WWC2: variants seen among roughly 807,000 people sequenced by gnomAD.
The protein encoded by WWC2 is protein WWC2.
A neutral mutation model predicts 138.5 loss-of-function variants in WWC2; 101 were observed. The ratio of observed to expected loss-of-function variants is 0.73; its 90% confidence interval spans 0.62 to 0.86. The LOEUF is 0.86. Ranked by LOEUF, WWC2 falls within the 40% of genes least tolerant of loss-of-function variation. The probability of loss-of-function intolerance (pLI) is 0.00; values close to 1 mark genes in which losing one functional copy is unlikely to be tolerated. For missense variants in WWC2, 1,420 were observed against 1,419.4 expected (o/e 1.00, Z -0.01); for synonymous variants, 558 against 538.4 (o/e 1.04, Z -0.50).
chr4:183,210,113 T>C (rs182069994), intron 4 of WWC2, among the ~76,000 whole-genome samples: 139 of 152,344 alleles, frequency 9.1e-4, no homozygotes, highest in Admixed American at 1.7e-3. Context: ...TCTCGTAATA[T>C]TGATGTACAT....
rs1293570640 is a variant in WWC2 at position 183,099,399 on chromosome 4, C to G, written c.-93C>G. 1.7e-6 allele frequency: 2 copies of G among 1,156,154 alleles called. No individual in the cohort carries two copies. The highest frequency in any genetic ancestry group is 2.1e-6 in the Non-Finnish European group (2 of 934,662). 71.6% of individuals were successfully genotyped at this position (1,156,154 alleles called of 1,614,324 possible). A position where few individuals can be genotyped will look rare whatever the true frequency, so the allele number is the denominator to read the frequency against. ...CTCAGCCCCTCGCCGGCGCCCGCGT[C>G]GCGGGTTGGCAGCCTAGCCCGGCAG... On this transcript the variant is annotated 5_prime_UTR_variant, in exon 1 of 23. Transcript: ENST00000403733.
intron 2 of WWC2, among the ~76,000 whole-genome samples, chr4:183,207,216 G>T (rs1735471488): frequency 6.6e-6 from 1 of 151,906 alleles, no homozygotes. Flanking sequence ...AAGGGTCTCT[G>T]GTTGATTGTA....
intron 19 of WWC2, 76 bp from the exon 20 acceptor site, chr4:183,285,891 A>C (rs1443010930): frequency 9.7e-6 from 13 of 1,345,754 alleles, no homozygotes; most frequent in African/African-American, 1.5e-5. Context: ...TTACTTGGTA[A>C]ATGTCTCAAT....
intron 12 of WWC2, 87 bp from the exon 13 acceptor site, chr4:183,265,601 C>T: frequency 1.5e-6 from 2 of 1,360,982 alleles, no homozygotes; most frequent in Non-Finnish European, 2.0e-6. Context: ...TTTGGATTTT[C>T]ATTCAGAATC....
intron 1 of WWC2, among the ~76,000 whole-genome samples, chr4:183,131,101 G>T (rs556145724): frequency 3.3e-5 from 5 of 152,210 alleles, no homozygotes; most frequent in African/African-American, 1.2e-4. Flanking sequence ...TTTCAAAAAA[G>T]CTCAAATGCT....
At chr4:183,137,738 G>T (rs1213787299) in intron 1 of WWC2, among the ~76,000 whole-genome samples, 1 of 152,136 alleles carries the variant, frequency 6.6e-6, no homozygotes, top group East Asian at 1.9e-4. Context: ...GACTCAAGCA[G>T]TCTGCCTGCC....
intron 1 of WWC2, among the ~76,000 whole-genome samples, chr4:183,192,024 C>T (rs1475804788): frequency 6.6e-6 from 1 of 152,198 alleles, no homozygotes; most frequent in Non-Finnish European, 1.5e-5. Flanking sequence ...GGTGCCCAAC[C>T]AGAATTTGTA....
chr4:183,219,818 C>T (rs549442771), intron 4 of WWC2, among the ~76,000 whole-genome samples: 5 of 152,240 alleles, frequency 3.3e-5, no homozygotes, highest in African/African-American at 9.6e-5. Context: ...CCAAGGTTTT[C>T]CCCTCCCCCA....
At chr4:183,104,402 C>A (rs1743287074) in intron 1 of WWC2, among the ~76,000 whole-genome samples, 1 of 152,116 alleles carries the variant, frequency 6.6e-6, no homozygotes, top group Admixed American at 6.5e-5. Flanking sequence ...AAACCCATAG[C>A]CACCAACAGA....
At chr4:183,169,890 C>T (rs184313531) in intron 1 of WWC2, among the ~76,000 whole-genome samples, 1 of 152,126 alleles carries the variant, frequency 6.6e-6, no homozygotes, top group East Asian at 1.9e-4. Flanking sequence ...TTTGAAAACC[C>T]GATTTCTAGC....
chr4:183,118,087 T>C (rs114353677), intron 1 of WWC2, among the ~76,000 whole-genome samples: 3,962 of 152,322 alleles, frequency 0.026, 68 homozygotes, highest in Non-Finnish European at 0.038. Context: ...AGTGAGCCAC[T>C]GCGCCTGGCC....
rs34754577 is a variant in WWC2 at position 183,289,446 on chromosome 4, A to G, written c.3195A>G (p.Thr1065=). 5,555 of 1,613,022 alleles carry G rather than the reference A, an allele frequency of 3.4e-3. 159 individuals carry two copies. In the African/African-American group the frequency reaches 0.063, roughly 18 times the overall value. Residue 1065 remains threonine (T), a synonymous_variant, in exon 21 of 23, where the codon ACA becomes ACG. Coordinates refer to ENST00000403733, the MANE Select transcript of WWC2 (RefSeq NM_024949.6). The part of the protein sequence containing the change: ...RRTTQECPVR[T]SLDLELDLQA... ...CAACACAGGAATGCCCAGTGCGGAC[A>G]TCTCTAGACTTAGAACTGGACCTTC...
At chr4:183,100,157 G>C (rs1386761387) in intron 1 of WWC2, among the ~76,000 whole-genome samples, 1 of 152,242 alleles carries the variant, frequency 6.6e-6, no homozygotes, top group Non-Finnish European at 1.5e-5. Context: ...GCCGGGCCCT[G>C]CTAGTGGGTG....
intron 21 of WWC2, among the ~76,000 whole-genome samples, chr4:183,291,777 T>C (rs1441084434): frequency 6.6e-6 from 1 of 152,186 alleles, no homozygotes; most frequent in Non-Finnish European, 1.5e-5. Context: ...GACTGCTATC[T>C]AATCTCCATT....
At chr4:183,204,680 C>A (rs908064726) in intron 2 of WWC2, among the ~76,000 whole-genome samples, 1 of 152,172 alleles carries the variant, frequency 6.6e-6, no homozygotes, top group Admixed American at 6.5e-5. Flanking sequence ...TGAGTTTTGA[C>A]AGGTGTATAC....
At chr4:183,170,705 A>AT (rs1359572118) in intron 1 of WWC2, among the ~76,000 whole-genome samples, 9 of 152,204 alleles carry the variant, frequency 5.9e-5, no homozygotes, top group Admixed American at 2.6e-4. Flanking sequence ...ATTTATTTAT[A>AT]TTTTTTTAAA....
At chr4:183,179,743 C>G (rs999636972) in intron 1 of WWC2, among the ~76,000 whole-genome samples, 1 of 152,026 alleles carries the variant, frequency 6.6e-6, no homozygotes, top group African/African-American at 2.4e-5. Flanking sequence ...CCATTAGATA[C>G]CCTGCTATGG....
intron 20 of WWC2, among the ~76,000 whole-genome samples, chr4:183,287,773 G>A (rs2111072026): frequency 6.6e-6 from 1 of 152,296 alleles, no homozygotes; most frequent in African/African-American, 2.4e-5. Context: ...GTACCGACCG[G>A]CAGAGGTGTG....
At chr4:183,159,729 T>TA (rs1162694124) in intron 1 of WWC2, among the ~76,000 whole-genome samples, 3 of 74,416 alleles carry the variant, frequency 4.0e-5, no homozygotes, top group Non-Finnish European at 6.0e-5. Flanking sequence ...TTTTTTTTTT[T>TA]AAAAAAAAAA....
Sources: gnomAD v4.1 joint callset for allele counts (sites outside exome capture counted in the v4.1 genomes callset) on GRCh38, gnomAD v4.1.1 for gene constraint, MANE v1.5 for transcripts, NCBI Gene and HGNC (gene_info 2026-07-23, HGNC 2026-07-21) for gene names.